The following METTL15 variants were observed in gnomAD, a reference collection of about 807,000 sequenced individuals.
METTL15 encodes the protein methyltransferase 15, mitochondrial 12S rRNA N4-cytidine, also known as 12S rRNA N(4)-cytidine methyltransferase METTL15.
METTL15 carries 34 observed loss-of-function variants against 38.3 expected under a neutral mutation model. That is an observed-to-expected ratio of 0.89 (90% CI 0.68 to 1.18). The LOEUF is 1.18. Among genes scored for constraint, METTL15 ranks in the 50% most tolerant of loss-of-function variants. METTL15 has a pLI of 0.00. For synonymous variants in METTL15, 162 were observed against 170.9 expected (o/e 0.95, Z 0.41); for missense variants, 438 against 498.4 (o/e 0.88, Z 1.15).
At chr11:28,525,850 C>T (rs753237240) in intron 6 of METTL15, among the ~76,000 whole-genome samples, 39 of 152,310 alleles carry the variant, frequency 2.6e-4, no homozygotes, top group Admixed American at 1.6e-3. Context: ...GAGCAGGGGG[C>T]GGCGCTTGTT....
chr11:28,172,260 A>G (rs932103202), intron 3 of METTL15, among the ~76,000 whole-genome samples: 2 of 152,190 alleles, frequency 1.3e-5, no homozygotes, highest in African/African-American at 2.4e-5. Flanking sequence ...GAGCTGATCT[A>G]TAAAGACAGG....
chr11:28,246,932 T>C (rs1278139678), intron 4 of METTL15, among the ~76,000 whole-genome samples: 1 of 152,174 alleles, frequency 6.6e-6, no homozygotes, highest in African/African-American at 2.4e-5. Flanking sequence ...GATTTAGTTA[T>C]TGGAAAACTT....
chr11:28,373,693 G>T (rs979996220), intron 5 of METTL15, among the ~76,000 whole-genome samples: 49 of 152,066 alleles, frequency 3.2e-4, no homozygotes, highest in Non-Finnish European at 1.0e-4. Flanking sequence ...GTCAATTTTG[G>T]CTTTTGTTGC....
At chr11:28,499,461 G>A (rs1252887047) in intron 6 of METTL15, among the ~76,000 whole-genome samples, 1 of 152,170 alleles carries the variant, frequency 6.6e-6, no homozygotes, top group Non-Finnish European at 1.5e-5. Flanking sequence ...CTACAAAAGA[G>A]ACATATTGTT....
chr11:28,330,004 G>A (rs1849762480), intron 6 of METTL15, among the ~76,000 whole-genome samples: 1 of 151,644 alleles, frequency 6.6e-6, no homozygotes, highest in Non-Finnish European at 1.5e-5. Flanking sequence ...TGTTATCTTT[G>A]GCTGTAGTAG....
At chr11:28,280,805 C>T (rs1856027273) in intron 4 of METTL15, among the ~76,000 whole-genome samples, 1 of 150,922 alleles carries the variant, frequency 6.6e-6, no homozygotes, top group Non-Finnish European at 1.5e-5. Context: ...CTATAGAATT[C>T]TTAATTTTAA....
chr11:28,285,749 T>C (rs1361041274), intron 4 of METTL15, among the ~76,000 whole-genome samples: 1 of 152,164 alleles, frequency 6.6e-6, no homozygotes, highest in Non-Finnish European at 1.5e-5. Flanking sequence ...GCTGGTTTGC[T>C]AGCAATAATC....
intron 4 of METTL15, among the ~76,000 whole-genome samples, chr11:28,289,763 T>G (rs900485772): frequency 8.5e-5 from 13 of 152,162 alleles, no homozygotes; most frequent in African/African-American, 2.9e-4. Flanking sequence ...AAAGCTAAAA[T>G]GATTGGTTTG....
rs200712723 is a variant in METTL15 at position 28,286,043 on chromosome 11, A to AAT, written c.408-4152_408-4151dup. Among the ~76,000 whole-genome samples, 1,120 of 152,070 alleles carry AAT rather than the reference A, an allele frequency of 7.4e-3. 8 individuals carry two copies. Among genetic ancestry groups the AAT allele is most frequent in the Non-Finnish European group, 0.01 (703 of 67,966 alleles). On this transcript the variant is annotated intron_variant, in intron 4 of 6. Coordinates refer to ENST00000407364, the MANE Select transcript of METTL15 (RefSeq NM_001113528.2). Reference sequence around the variant, plus strand: ...AAACAGAATCAATAAGAAGTAGATAAATATATATATATGATATCTTATTAT... The same window carrying AAT: ...AAACAGAATCAATAAGAAGTAGATAAATATATATATATATGATATCTTATTAT...
intron 6 of METTL15, among the ~76,000 whole-genome samples, chr11:28,438,248 A>G (rs1412005062): frequency 1.3e-5 from 2 of 152,228 alleles, no homozygotes; most frequent in Non-Finnish European, 2.9e-5. Flanking sequence ...GAAATTGTGC[A>G]CTATTCTCTC....
chr11:28,130,457 A>C (rs1852714413), intron 3 of METTL15, among the ~76,000 whole-genome samples: 1 of 152,184 alleles, frequency 6.6e-6, no homozygotes, highest in African/African-American at 2.4e-5. Context: ...ATTTGAAAAA[A>C]TAAGTGTTAT....
At chr11:28,268,395 C>G (rs1219597721) in intron 4 of METTL15, among the ~76,000 whole-genome samples, 1 of 151,914 alleles carries the variant, frequency 6.6e-6, no homozygotes, top group African/African-American at 2.4e-5. Context: ...TTCACCTACA[C>G]AAATATAAGC....
At chr11:28,513,888 C>T (rs950648091) in intron 6 of METTL15, among the ~76,000 whole-genome samples, 11 of 152,250 alleles carry the variant, frequency 7.2e-5, no homozygotes, top group African/African-American at 2.4e-4. Context: ...GGTAAACCCA[C>T]AACCTTCTAG....
chr11:28,184,859 G>A (rs1398882956), intron 3 of METTL15, among the ~76,000 whole-genome samples: 1 of 151,440 alleles, frequency 6.6e-6, no homozygotes, highest in Admixed American at 6.6e-5. Context: ...AGGAGTATAT[G>A]TGTGTTGCAT....
At chr11:28,430,407 G>A (rs868095118) in intron 6 of METTL15, among the ~76,000 whole-genome samples, 38 of 64,014 alleles carry the variant, frequency 5.9e-4, no homozygotes, top group South Asian at 3.8e-3. Context: ...CAGCCGCCCC[G>A]TCCGGGAGGT....
intron 6 of METTL15, among the ~76,000 whole-genome samples, chr11:28,516,568 G>A (rs1564953862): frequency 6.6e-6 from 1 of 152,072 alleles, no homozygotes; most frequent in Non-Finnish European, 1.5e-5. Flanking sequence ...TCAATTAAGT[G>A]CCTACTTTTT....
At chr11:28,480,601 C>T (rs187928767) in intron 6 of METTL15, among the ~76,000 whole-genome samples, 22 of 152,284 alleles carry the variant, frequency 1.4e-4, no homozygotes, top group Non-Finnish European at 2.2e-4. Flanking sequence ...TTGGTTTTAG[C>T]GGTGACCCTG....
intron 3 of METTL15, among the ~76,000 whole-genome samples, chr11:28,201,230 A>G (rs984192920): frequency 6.6e-6 from 1 of 152,100 alleles, no homozygotes; most frequent in Non-Finnish European, 1.5e-5. Flanking sequence ...CTTACATCCC[A>G]GGGATGAAGC....
At chr11:28,201,184 T>C (rs1033844659) in intron 3 of METTL15, among the ~76,000 whole-genome samples, 5 of 152,170 alleles carry the variant, frequency 3.3e-5, no homozygotes, top group African/African-American at 1.2e-4. Context: ...TTTTTGTCAC[T>C]GATTCTGTTT....
Sources: gnomAD v4.1 joint callset for allele counts (sites outside exome capture counted in the v4.1 genomes callset) on GRCh38, gnomAD v4.1.1 for gene constraint, MANE v1.5 for transcripts, NCBI Gene and HGNC (gene_info 2026-07-23, HGNC 2026-07-21) for gene names.